APOO: variants seen among roughly 807,000 people sequenced by gnomAD.
The protein encoded by APOO is apolipoprotein O.
A neutral mutation model predicts 23.1 loss-of-function variants in APOO; 11 were observed. That is an observed-to-expected ratio of 0.48 (90% CI 0.30 to 0.79). The LOEUF is 0.79. Among genes scored for constraint, APOO ranks in the 30% least tolerant of loss-of-function variants. The pLI, the probability that APOO is intolerant of heterozygous loss-of-function variation, is 0.07. For missense variants in APOO, 160 were observed against 142.7 expected, an observed-to-expected ratio of 1.12 and a Z score of -0.62; for synonymous variants, 59 against 54.8, an observed-to-expected ratio of 1.08 and a Z score of -0.34.
chrX:23,838,731 A>G (rs1456876477), intron 8 of APOO, among the ~76,000 whole-genome samples: 1 of 111,512 alleles, frequency 9.0e-6, no homozygotes, highest in Non-Finnish European at 1.9e-5. Context: ...ACAAGCTTTT[A>G]AAACAGTTAG....
intron 8 of APOO, among the ~76,000 whole-genome samples, chrX:23,837,632 T>C (rs1281415634): frequency 2.4e-5 from 1 of 42,426 alleles, no homozygotes; most frequent in African/African-American, 4.8e-4. Flanking sequence ...ATTTATTTAA[T>C]TTATAAATAA....
At chrX:23,892,088 ATT>A (rs763360978) in intron 1 of APOO, among the ~76,000 whole-genome samples, 1 of 104,409 alleles carries the variant, frequency 9.6e-6, no homozygotes, top group Non-Finnish European at 2.0e-5. Context: ...ATGAAAATAA[ATT>A]TTTTTTTTTT....
intron 4 of APOO, among the ~76,000 whole-genome samples, chrX:23,869,324 G>A (rs778129781): frequency 1.5e-4 from 17 of 111,309 alleles, no homozygotes; most frequent in African/African-American, 4.6e-4. Context: ...TTTGCACAGG[G>A]AGGAATACAA....
At chrX:23,889,819 G>A (rs1254714816) in intron 1 of APOO, among the ~76,000 whole-genome samples, 4 of 109,639 alleles carry the variant, frequency 3.6e-5, no homozygotes, top group Non-Finnish European at 3.8e-5. Flanking sequence ...CAGCCACCAC[G>A]CCTGGCTAAT....
chrX:23,884,900 C>G (rs758767407), intron 1 of APOO, among the ~76,000 whole-genome samples: 3 of 111,369 alleles, frequency 2.7e-5, no homozygotes, highest in African/African-American at 9.8e-5. Context: ...TGGTTTTGGA[C>G]ATGTTCCAGA....
chrX:23,861,238 A>G (rs781122632), intron 5 of APOO, among the ~76,000 whole-genome samples: 1 of 111,264 alleles, frequency 9.0e-6, no homozygotes, highest in South Asian at 3.8e-4. Context: ...ATGGTTTAAC[A>G]CCATTCCCTT....
intron 1 of APOO, among the ~76,000 whole-genome samples, chrX:23,892,193 C>T (rs1233831086): frequency 9.1e-6 from 1 of 109,293 alleles, no homozygotes; most frequent in Non-Finnish European, 1.9e-5. Flanking sequence ...TCAAACGATT[C>T]TCCTGCCTCA....
intron 3 of APOO, 30 bp from the exon 4 acceptor site, chrX:23,874,487 C>T: frequency 3.6e-6 from 4 of 1,111,839 alleles, no homozygotes; most frequent in Non-Finnish European, 5.0e-6. Context: ...CTGAATGAAA[C>T]TATTCACAGG....
At chrX:23,873,347 C>T (rs757205484) in intron 4 of APOO, among the ~76,000 whole-genome samples, 28 of 111,544 alleles carry the variant, frequency 2.5e-4, no homozygotes, top group Non-Finnish European at 3.8e-4. Context: ...CGGTGGCTCA[C>T]GCCTGTAATC....
intron 1 of APOO, among the ~76,000 whole-genome samples, chrX:23,904,856 A>C (rs777360185): frequency 9.0e-6 from 1 of 111,122 alleles, no homozygotes; most frequent in African/African-American, 3.3e-5. Flanking sequence ...CTTCCTCTGG[A>C]CTTTGTGAGA....
intron 5 of APOO, among the ~76,000 whole-genome samples, chrX:23,861,838 C>A (rs957608314): frequency 1.1e-5 from 1 of 90,164 alleles, no homozygotes; most frequent in Non-Finnish European, 2.1e-5. Context: ...GAGTCTTGCT[C>A]TGTTGCTCAG....
intron 1 of APOO, among the ~76,000 whole-genome samples, chrX:23,904,942 T>C (rs780447584): frequency 9.0e-6 from 1 of 111,244 alleles, no homozygotes; most frequent in African/African-American, 3.3e-5. Flanking sequence ...TCCTTGAAAC[T>C]TTTCTCCCTC....
At chrX:23,904,512 T>TG (rs1927268167) in intron 1 of APOO, among the ~76,000 whole-genome samples, 1 of 102,075 alleles carries the variant, frequency 9.8e-6, no homozygotes, top group South Asian at 4.9e-4. Flanking sequence ...TGGTTTTTTT[T>TG]TTTTTTTTTT....
At chrX:23,899,097 C>A (rs1198745100) in intron 1 of APOO, among the ~76,000 whole-genome samples, 2 of 111,976 alleles carry the variant, frequency 1.8e-5, no homozygotes, top group African/African-American at 6.5e-5. Context: ...GGCTCCTCAT[C>A]CTCATGGAAC....
intron 7 of APOO, among the ~76,000 whole-genome samples, chrX:23,854,352 A>ACTCC (rs1924685138): frequency 9.0e-6 from 1 of 110,884 alleles, no homozygotes; most frequent in Non-Finnish European, 1.9e-5. Context: ...AGCCTGGGGG[A>ACTCC]CTCCCTCTGG....
At chrX:23,864,065 G>A (rs868782960) in intron 5 of APOO, among the ~76,000 whole-genome samples, 38 of 106,057 alleles carry the variant, frequency 3.6e-4, no homozygotes, top group African/African-American at 1.1e-3. Context: ...GTGCAATCTC[G>A]GCTCACTGCA....
chrX:23,851,383 C>T (rs367822327), intron 7 of APOO, among the ~76,000 whole-genome samples: 2 of 111,179 alleles, frequency 1.8e-5, no homozygotes, highest in East Asian at 2.8e-4. Context: ...TTAGTAGAGA[C>T]GGGTTTTCAC....
intron 7 of APOO, chrX:23,840,843 C>T (rs1923934180): frequency 8.9e-6 from 1 of 111,749 alleles, no homozygotes; most frequent in Admixed American, 9.7e-5. Context: ...CACCATTATC[C>T]ACCATAGGGG....
chrX:23,872,083 T>C (rs1601915138), intron 4 of APOO, among the ~76,000 whole-genome samples: 1 of 111,750 alleles, frequency 8.9e-6, no homozygotes, highest in African/African-American at 3.3e-5. Context: ...TAGCCCAGTG[T>C]TGCTCAATTC....
Sources: gnomAD v4.1 joint callset for allele counts (sites outside exome capture counted in the v4.1 genomes callset) on GRCh38, gnomAD v4.1.1 for gene constraint, MANE v1.5 for transcripts, NCBI Gene and HGNC (gene_info 2026-07-23, HGNC 2026-07-21) for gene names.